The following COL22A1 variants were observed in gnomAD, a reference collection of about 807,000 sequenced individuals.
COL22A1 encodes the protein collagen alpha-1(XXII) chain.
A neutral mutation model predicts 248.9 loss-of-function variants in COL22A1; 221 were observed. That is an observed-to-expected ratio of 0.89 (90% CI 0.80 to 0.99). The LOEUF is 0.99. Ranked by LOEUF, COL22A1 falls within the 50% of genes least tolerant of loss-of-function variation. COL22A1 has a pLI of 0.00. For missense variants in COL22A1, 2,240 were observed against 2,179.0 expected (o/e 1.03, Z -0.56); for synonymous variants, 891 against 793.4 (o/e 1.12, Z -2.07).
chr8:138,856,470 G>T (rs555492038), intron 3 of COL22A1, among the ~76,000 whole-genome samples: 16 of 152,034 alleles, frequency 1.1e-4, no homozygotes, highest in Non-Finnish European at 1.9e-4. Context: ...AAGAGAAAGA[G>T]AAAGAGGGAG....
At chr8:138,651,241 G>A (rs1412203772) in intron 45 of COL22A1, among the ~76,000 whole-genome samples, 4 of 152,188 alleles carry the variant, frequency 2.6e-5, no homozygotes, top group Non-Finnish European at 5.9e-5. Flanking sequence ...CACTACTGAA[G>A]TACTAGTCTC....
In COL22A1 at chr8:138,724,549, C is replaced by T; in HGVS notation, c.2247+66G>A. On this transcript the variant is annotated intron_variant, in intron 25 of 64. Transcript: ENST00000303045. ...TGGCTCTGGGCCAGCTGCAAGGGCT[C>T]AGTGCTCCCCCCAGAGCAATGGGGA... 5 of 1,505,410 alleles carry T rather than the reference C, an allele frequency of 3.3e-6. No homozygotes were observed. The South Asian group carries it at 4.6e-5, about 14-fold the overall frequency. 93.3% of individuals were successfully genotyped at this position (1,505,410 alleles called of 1,614,324 possible).
At chr8:138,661,905 G>T in intron 43 of COL22A1, 125 bp downstream of exon 43, 1 of 605,536 alleles carries the variant, frequency 1.7e-6, no homozygotes, top group South Asian at 2.8e-5. Flanking sequence ...GGGGCTTCCT[G>T]GAAATCCTCA....
intron 11 of COL22A1, among the ~76,000 whole-genome samples, chr8:138,799,540 A>T (rs1322058036): frequency 6.6e-6 from 1 of 152,094 alleles, no homozygotes; most frequent in Non-Finnish European, 1.5e-5. Flanking sequence ...CCCCTTCCCC[A>T]GTGTTCATCT....
At chr8:138,591,656 C>T (rs1238016533) in intron 63 of COL22A1, among the ~76,000 whole-genome samples, 155 bp from the exon 64 acceptor site, 2 of 152,038 alleles carry the variant, frequency 1.3e-5, no homozygotes, top group African/African-American at 2.4e-5. Context: ...CGCACAGGAC[C>T]CCAATTCCCA....
At chr8:138,608,485 A>C (rs1005996011) in intron 56 of COL22A1, among the ~76,000 whole-genome samples, 1 of 152,290 alleles carries the variant, frequency 6.6e-6, no homozygotes, top group South Asian at 2.1e-4. Context: ...GTAGATACTG[A>C]GGCACAGAGA....
intron 56 of COL22A1, among the ~76,000 whole-genome samples, chr8:138,608,353 C>G (rs1368497019): frequency 6.6e-6 from 1 of 152,194 alleles, no homozygotes; most frequent in East Asian, 1.9e-4. Flanking sequence ...TCTAATACAA[C>G]CCAGCTTACA....
chr8:138,643,647 T>TAGACAGAC (rs145689286), intron 47 of COL22A1, among the ~76,000 whole-genome samples: 1 of 26,594 alleles, frequency 3.8e-5, no homozygotes, highest in East Asian at 0.013. Context: ...GATAGATAGA[T>TAGACAGAC]AGACAGATAG....
intron 45 of COL22A1, among the ~76,000 whole-genome samples, chr8:138,651,703 C>A (rs1302549737): frequency 1.3e-5 from 2 of 151,786 alleles, no homozygotes; most frequent in African/African-American, 2.4e-5. Context: ...ATCCATGAAA[C>A]ATTGCAACTG....
At chr8:138,800,961 T>C (rs905741502) in intron 11 of COL22A1, among the ~76,000 whole-genome samples, 6 of 152,224 alleles carry the variant, frequency 3.9e-5, no homozygotes, top group African/African-American at 1.4e-4. Flanking sequence ...TTTGCTCATC[T>C]GTAAGGTGGG....
At chr8:138,894,547 T>C (rs1236664613) in intron 1 of COL22A1, among the ~76,000 whole-genome samples, 1 of 152,116 alleles carries the variant, frequency 6.6e-6, no homozygotes, top group East Asian at 1.9e-4. Context: ...AAATTTGAGG[T>C]ACCTGTAAAA....
intron 16 of COL22A1, among the ~76,000 whole-genome samples, chr8:138,768,105 C>T (rs1420731036): frequency 3.9e-5 from 6 of 152,174 alleles, no homozygotes; most frequent in Non-Finnish European, 8.8e-5. Flanking sequence ...GCCTCCTGGC[C>T]CTCCGCCTCT....
chr8:138,864,644 T>C (rs1213345718), intron 3 of COL22A1, among the ~76,000 whole-genome samples: 2 of 152,208 alleles, frequency 1.3e-5, no homozygotes, highest in Non-Finnish European at 2.9e-5. Context: ...CTTCCTTTTG[T>C]TGTCTTGCCC....
At chr8:138,693,749 T>C (rs1827269920) in intron 34 of COL22A1, 50 bp from the exon 35 acceptor site, 1 of 1,539,970 alleles carries the variant, frequency 6.5e-7, no homozygotes. Context: ...TCAGTGATGC[T>C]GTTTCCCCTC....
At chr8:138,598,591 C>G (rs1263704904) in intron 61 of COL22A1, 128 bp downstream of exon 61, 1 of 876,494 alleles carries the variant, frequency 1.1e-6, no homozygotes, top group Non-Finnish European at 1.8e-6. Context: ...GTAGCCTGCC[C>G]CAGGTCATAC....
At chr8:138,799,323 C>G (rs568295950) in intron 11 of COL22A1, among the ~76,000 whole-genome samples, 8 of 152,312 alleles carry the variant, frequency 5.3e-5, no homozygotes, top group African/African-American at 1.7e-4. Flanking sequence ...TATCCTCTCT[C>G]AGGCAGTTTC....
In COL22A1 at chr8:138,748,405, T is replaced by C. The variant is rs28465554; in HGVS notation, c.2085+3053A>G. Reference sequence around the variant, plus strand: ...TCACAAGAAGTCAACATGAGCTTTCTGACAGACTGACACATGGAAAGAAAG... The same window carrying C: ...TCACAAGAAGTCAACATGAGCTTTCCGACAGACTGACACATGGAAAGAAAG... On this transcript the variant is annotated intron_variant, in intron 22 of 64. Transcript: ENST00000303045. Among the ~76,000 whole-genome samples the C allele has an allele frequency of 7.0e-3, 1,061 of 152,330 alleles. 14 individuals carry two copies. The highest frequency in any genetic ancestry group is 0.024 in the African/African-American group (994 of 41,564).
At chr8:138,650,472 T>A (rs1822606932) in intron 45 of COL22A1, among the ~76,000 whole-genome samples, 1 of 152,172 alleles carries the variant, frequency 6.6e-6, no homozygotes, top group South Asian at 2.1e-4. Flanking sequence ...ATTAGTTGGA[T>A]CTTACAGTTT....
intron 30 of COL22A1, 27 bp from the exon 31 acceptor site, chr8:138,703,374 A>C (rs1314782260): frequency 6.2e-7 from 1 of 1,606,844 alleles, no homozygotes; most frequent in Non-Finnish European, 8.5e-7. Context: ...AAAATCCATG[A>C]CCATTAATCT....
Sources: allele counts gnomAD v4.1 joint callset (sites outside exome capture counted in the v4.1 genomes callset), GRCh38; gene constraint gnomAD v4.1.1; transcripts MANE v1.5; gene names NCBI Gene and HGNC (gene_info 2026-07-23, HGNC 2026-07-21).